Variants in OC90 observed in about 807,000 individuals in gnomAD.
OC90 encodes the protein otoconin 90.
OC90 carries 46 observed loss-of-function variants against 47.3 expected under a neutral mutation model. That is an observed-to-expected ratio of 0.97 (90% CI 0.77 to 1.24). OC90 has a LOEUF of 1.24. Ranked by LOEUF, OC90 falls within the 50% of genes most tolerant of loss-of-function variation. OC90 has a pLI of 0.00. For missense variants in OC90, 688 were observed against 583.9 expected, an observed-to-expected ratio of 1.18 and a Z score of -1.84; for synonymous variants, 271 against 219.5, an observed-to-expected ratio of 1.23 and a Z score of -2.07.
chr8:132,041,697 A>G lies in OC90; in HGVS notation c.172T>C (p.Cys58Arg). The G allele has an allele frequency of 7.5e-7, 1 of 1,338,948 alleles. No homozygotes were observed. The highest frequency in any genetic ancestry group is 1.0e-6 in the Non-Finnish European group (1 of 952,478). The allele number at this position is 1,338,948 out of a possible 1,614,324, so 82.9% of individuals were successfully genotyped here. ...AGCCAGGTGAAGTGGGGGCCCAGGC[A>G]ATCTGTGGGGGTGGGGGGCAGGGCC... ...NVESVAEIFD[C>R]LGPHFTWLQA... The change falls in exon 5 of 14, where the codon TGC becomes CGC. Residue 58 changes from cysteine to arginine, a missense_variant and splice_region_variant. Transcript: ENST00000254627.
At chr8:132,032,966 G>C (rs774195887) in intron 11 of OC90, 73 bp downstream of exon 11, 1 of 1,515,474 alleles carries the variant, frequency 6.6e-7, no homozygotes, top group Non-Finnish European at 9.0e-7. Context: ...GTGAAAAGGT[G>C]GCCTACGGTG....
chr8:132,051,138 C>A (rs1168589560), intron 2 of OC90, among the ~76,000 whole-genome samples: 1 of 152,196 alleles, frequency 6.6e-6, no homozygotes, highest in Non-Finnish European at 1.5e-5. Flanking sequence ...AGCCCCCACT[C>A]TAGAGATGAG....
intron 11 of OC90, among the ~76,000 whole-genome samples, chr8:132,032,723 C>T (rs916586567): frequency 3.2e-4 from 49 of 152,164 alleles, no homozygotes; most frequent in African/African-American, 1.1e-3. Context: ...CCAAGTGCTT[C>T]ATGCTTTCCA....
intron 13 of OC90, 150 bp downstream of exon 13, chr8:132,028,923 A>G: frequency 1.7e-6 from 1 of 576,504 alleles, no homozygotes; most frequent in Non-Finnish European, 3.1e-6. Flanking sequence ...GAAGGAAGGA[A>G]GGAAGGGAAG....
chr8:132,039,349 C>T (rs1823020396), intron 6 of OC90, among the ~76,000 whole-genome samples: 1 of 152,182 alleles, frequency 6.6e-6, no homozygotes, highest in Non-Finnish European at 1.5e-5. Flanking sequence ...GCACTATTGG[C>T]TCCACTTTCA....
At chr8:132,044,359 C>A in intron 4 of OC90, 74 bp downstream of exon 4, 1 of 845,872 alleles carries the variant, frequency 1.2e-6, no homozygotes, top group Non-Finnish European at 2.0e-6. Context: ...GACCAAGGCC[C>A]TTGCAATTTC....
chr8:132,048,869 C>T (rs1382688118), intron 2 of OC90, among the ~76,000 whole-genome samples: 1 of 151,530 alleles, frequency 6.6e-6, no homozygotes, highest in African/African-American at 2.4e-5. Flanking sequence ...AGGGCAGCTG[C>T]AACCCCCTAT....
intron 2 of OC90, among the ~76,000 whole-genome samples, chr8:132,053,861 C>T (rs1441723161): frequency 6.6e-6 from 1 of 152,182 alleles, no homozygotes; most frequent in South Asian, 2.1e-4. Flanking sequence ...AAGGCAGCTC[C>T]GAGTGAGAGT....
In OC90 at chr8:132,032,889, C is replaced by A. The variant is rs1345787078; in HGVS notation, c.859+150G>T. ...ACAGGCAGCTTACATCTCCTCTGAGCCTCAAGGTGCTCATGCAGTCAGGGG... is the reference window on the plus strand; with the variant it reads ...ACAGGCAGCTTACATCTCCTCTGAGACTCAAGGTGCTCATGCAGTCAGGGG... On this transcript the variant is annotated intron_variant, in intron 11 of 13. Transcript: ENST00000254627. 1.0e-5 allele frequency: 9 copies of A among 891,364 alleles called. No homozygotes were observed. In the East Asian group the frequency reaches 1.6e-4, roughly 16 times the overall value. 55.2% of individuals were successfully genotyped at this position (891,364 alleles called of 1,614,324 possible). A position where few individuals can be genotyped will look rare whatever the true frequency, so the allele number is the denominator to read the frequency against.
In OC90 at chr8:132,037,446, G is replaced by T. The variant is rs1242487421; in HGVS notation, c.671C>A (p.Ser224Ter). The T allele has an allele frequency of 3.8e-6, 6 of 1,583,712 alleles. No individual in the cohort carries two copies. The highest frequency in any genetic ancestry group is 5.2e-6 in the Non-Finnish European group (6 of 1,163,688). Residue 224 changes from serine (S) to a stop codon, truncating the protein, a stop_gained, in exon 9 of 14, where the codon TCA becomes TAA. Transcript: ENST00000254627. LOFTEE classifies it high-confidence loss of function. The part of the protein sequence containing the change: ...EPTDTSLTAL[S>*]GEEAGHDQEG... ...AGCCCCTTCTGGCTCACCTTCTCCT[G>T]AAAGGGCTGTCAGGCTGGTGTCTGT...
intron 7 of OC90, 53 bp from the exon 8 acceptor site, chr8:132,038,884 G>A (rs1286190702): frequency 5.0e-6 from 8 of 1,605,308 alleles, no homozygotes; most frequent in South Asian, 3.3e-5. Flanking sequence ...TTTGAGGGAG[G>A]GTTTGAAGAT....
intron 13 of OC90, among the ~76,000 whole-genome samples, chr8:132,027,984 T>G (rs1026162673): frequency 5.9e-5 from 9 of 152,218 alleles, no homozygotes; most frequent in African/African-American, 2.2e-4. Flanking sequence ...ATCTTGGGCC[T>G]CAGTTGCCTT....
At chr8:132,055,219 A>T (rs1823265984) in intron 1 of OC90, 146 bp from the exon 2 acceptor site, 1 of 530,862 alleles carries the variant, frequency 1.9e-6, no homozygotes, top group African/African-American at 1.9e-5. Context: ...CAGTTTTGCC[A>T]CTAACTGACA....
chr8:132,039,237 T>G lies in OC90; in HGVS notation c.458-114A>C, dbSNP rs528169035. The G allele has an allele frequency of 2.7e-6, 3 of 1,114,856 alleles. No homozygotes were observed. The South Asian group carries it at 4.2e-5, about 16-fold the overall frequency. The allele number at this position is 1,114,856 out of a possible 1,614,324, so 69.1% of individuals were successfully genotyped here. On this transcript the variant is annotated intron_variant, in intron 6 of 13. Transcript: ENST00000254627. ...CCCCTGCCAAAAATCCCACTCCCCT[T>G]GCAATCTCCATCTCATTCATGTCAG... is the stretch of plus-strand genomic sequence containing the variant.
Position 132,037,463 on chromosome 8 carries a change from G to T in OC90, c.654C>A (p.Thr218=). The T allele has an allele frequency of 6.3e-7, 1 of 1,582,208 alleles. No individual in the cohort carries two copies. Among genetic ancestry groups the T allele is most frequent in the Non-Finnish European group, 8.6e-7 (1 of 1,162,908 alleles). The change falls in exon 9 of 14, where the codon ACC becomes ACA. Residue 218 remains threonine, a synonymous_variant. Transcript: ENST00000254627. ...PRVVPVEPTD[T]SLTALSGEEA... ...CTTCTCCTGAAAGGGCTGTCAGGCT[G>T]GTGTCTGTGGGCTCCACAGGAACCA...
At chr8:132,054,421 T>A (rs1823254370) in intron 2 of OC90, among the ~76,000 whole-genome samples, 1 of 152,234 alleles carries the variant, frequency 6.6e-6, no homozygotes. Context: ...TGATCTAGTT[T>A]GGGCTTCTGT....
chr8:132,024,806 T>G (rs1444379995), intron 13 of OC90, 30 bp from the exon 14 acceptor site: 1 of 1,580,058 alleles, frequency 6.3e-7, no homozygotes, highest in Non-Finnish European at 8.6e-7. Context: ...GTAGAAGCCA[T>G]GAGACCTCTG....
chr8:132,028,920 G>A (rs970274244), intron 13 of OC90, among the ~76,000 whole-genome samples, 153 bp downstream of exon 13: 4 of 148,630 alleles, frequency 2.7e-5, no homozygotes, highest in South Asian at 2.1e-4. Context: ...GAGGAAGGAA[G>A]GAAGGAAGGG....
chr8:132,046,603 G>A (rs1823137018), intron 2 of OC90, among the ~76,000 whole-genome samples: 1 of 152,210 alleles, frequency 6.6e-6, no homozygotes, highest in African/African-American at 2.4e-5. Context: ...AAATATATGG[G>A]AGTTGGAATC....
Sources: gnomAD v4.1 joint callset for allele counts (sites outside exome capture counted in the v4.1 genomes callset) on GRCh38, gnomAD v4.1.1 for gene constraint, MANE v1.5 for transcripts, NCBI Gene and HGNC (gene_info 2026-07-23, HGNC 2026-07-21) for gene names.